Variants in GNAT2 observed in about 807,000 individuals in gnomAD.
GNAT2 encodes the protein guanine nucleotide-binding protein G(t) subunit alpha-2.
GNAT2 carries 32 observed loss-of-function variants against 40.9 expected under a neutral mutation model. That is an observed-to-expected ratio of 0.78 (90% CI 0.59 to 1.05). The LOEUF is 1.05. Among genes scored for constraint, GNAT2 ranks in the 50% least tolerant of loss-of-function variants. The pLI is 0.00. For missense variants in GNAT2, 355 were observed against 431.5 expected, an observed-to-expected ratio of 0.82 and a Z score of 1.57; for synonymous variants, 141 against 157.2, an observed-to-expected ratio of 0.90 and a Z score of 0.77.
chr1:109,618,715 A>G (rs1237497316), intron 1 of GNAT2, among the ~76,000 whole-genome samples: 2 of 151,960 alleles, frequency 1.3e-5, no homozygotes, highest in Non-Finnish European at 2.9e-5. Context: ...GATTAGGTAA[A>G]CCTGGTTATC....
intron 7 of GNAT2, 74 bp from the exon 8 acceptor site, chr1:109,604,178 C>T (rs1024162198): frequency 4.2e-6 from 5 of 1,186,586 alleles, no homozygotes; most frequent in Non-Finnish European, 6.3e-6. Context: ...GCTCTTGTTC[C>T]CCTTGGAGAG....
At chr1:109,604,323 CT>C in intron 7 of GNAT2, 1 of 567,868 alleles carries the variant, frequency 1.8e-6, no homozygotes, top group South Asian at 2.0e-5. Context: ...AATTATTGAG[CT>C]TTTTCTGAGT....
chr1:109,610,726 T>G, intron 2 of GNAT2: 1 of 615,230 alleles, frequency 1.6e-6, no homozygotes, highest in Non-Finnish European at 2.9e-6. Context: ...TAGTTTGGGC[T>G]GTCTCATGCA....
intron 4 of GNAT2, chr1:109,609,816 T>C: frequency 5.4e-6 from 3 of 553,778 alleles, no homozygotes; most frequent in African/African-American, 1.9e-5. Context: ...AAAATGAGGC[T>C]AATTAGAAAG....
chr1:109,604,481 A>C (rs1343704420), intron 7 of GNAT2: 1 of 270,868 alleles, frequency 3.7e-6, no homozygotes, highest in Non-Finnish European at 7.2e-6. Flanking sequence ...ACATTTTATA[A>C]GTAGTGCTGA....
chr1:109,611,201 A>G (rs1272798636), intron 2 of GNAT2: 4 of 149,488 alleles, frequency 2.7e-5, no homozygotes, highest in Admixed American at 2.0e-4. Flanking sequence ...TTTTTGAGAC[A>G]GTCTTGCTCT....
chr1:109,606,126 A>AG, intron 6 of GNAT2, 27 bp from the exon 7 acceptor site: 1 of 1,613,570 alleles, frequency 6.2e-7, no homozygotes, highest in Non-Finnish European at 8.5e-7. Flanking sequence ...CTATTTTCAT[A>AG]GGTATGCCCA....
At chr1:109,612,670 TG>T in intron 2 of GNAT2, 82 bp downstream of exon 2, 1 of 846,392 alleles carries the variant, frequency 1.2e-6, no homozygotes, top group Non-Finnish European at 2.1e-6. Flanking sequence ...TTCCTTCCCA[TG>T]GGGTGAGGTA....
chr1:109,603,898 T>C (rs1367194308), intron 8 of GNAT2, 53 bp downstream of exon 8: 2 of 1,311,912 alleles, frequency 1.5e-6, no homozygotes, highest in East Asian at 2.3e-5. Context: ...AATGAGACAA[T>C]TGCCAGTCTC....
intron 1 of GNAT2, among the ~76,000 whole-genome samples, 178 bp downstream of exon 1, chr1:109,619,305 C>T (rs141855721): frequency 1.3e-5 from 2 of 152,360 alleles, no homozygotes; most frequent in East Asian, 3.9e-4. Flanking sequence ...GGTACTCTTA[C>T]ACTCATTTTA....
Position 109,603,575 on chromosome 1 carries a change from G to C in GNAT2, c.875-31C>G, listed in dbSNP as rs2301360. ...TTTCCAGAAAAATAGTGAAAAAGTA[G>C]AATAAATGAACCCTTGTTAGTTGCT... On this transcript the variant is annotated intron_variant, in intron 8 of 8. Coordinates refer to ENST00000679935, the MANE Select transcript of GNAT2 (RefSeq NM_001377295.2). 66 of 1,391,400 alleles carry C rather than the reference G, an allele frequency of 4.7e-5. No individual in the cohort carries two copies. In the East Asian group the frequency reaches 1.5e-3, roughly 31 times the overall value. 86.2% of individuals were successfully genotyped at this position (1,391,400 alleles called of 1,614,324 possible). A position where few individuals can be genotyped will look rare whatever the true frequency, so the allele number is the denominator to read the frequency against.
chr1:109,608,274 C>G (rs984851454), intron 5 of GNAT2: 2 of 363,186 alleles, frequency 5.5e-6, no homozygotes, highest in African/African-American at 4.2e-5. Flanking sequence ...GACAGAACTG[C>G]AGGGCTATCT....
chr1:109,610,270 G>A (rs895647580), intron 3 of GNAT2, 89 bp from the exon 4 acceptor site: 1 of 1,415,850 alleles, frequency 7.1e-7, no homozygotes, highest in Non-Finnish European at 1.0e-6. Context: ...AGGATCATAA[G>A]AATCCTATCT....
intron 5 of GNAT2, chr1:109,608,321 A>T: frequency 2.3e-6 from 1 of 425,684 alleles, no homozygotes; most frequent in South Asian, 2.1e-5. Context: ...GTACACCTCA[A>T]TTAAGAGAAC....
At position 109,610,474 on chromosome 1, in the gene GNAT2, T is replaced by C. The variant is rs1265008353; in HGVS notation, c.152A>G (p.Lys51Arg). The C allele has an allele frequency of 6.2e-7, 1 of 1,613,960 alleles. No homozygotes were observed. The highest frequency in any genetic ancestry group is 1.7e-5 in the Admixed American group (1 of 60,032). Reference sequence around the variant, plus strand: ...CTTTGTTTCTACTCACTTCATCTGTTTGACGATGGTGCTCTTTCCTGACTC... The same window carrying C: ...CTTTGTTTCTACTCACTTCATCTGTCTGACGATGGTGCTCTTTCCTGACTC... ...AGESGKSTIV[K>R]QMKIIHQDGY... The change falls in exon 3 of 9, where the codon AAA becomes AGA. Residue 51 changes from lysine (K) to arginine (R), a missense_variant. Transcript: ENST00000679935.
chr1:109,608,821 A>G lies in GNAT2; in HGVS notation c.304-33T>C, dbSNP rs757220090. On this transcript the variant is annotated intron_variant, in intron 4 of 8. Coordinates refer to ENST00000679935, the MANE Select transcript of GNAT2 (RefSeq NM_001377295.2). ...GCAGAAACCTGGTTAAGAACTTCAC[A>G]GGAGTAATAGCTTTCCAGGAGGCTT... 6.9e-6 allele frequency: 11 copies of G among 1,583,906 alleles called. No homozygotes were observed. The South Asian group carries it at 1.1e-4, about 16-fold the overall frequency.
At chr1:109,608,438 C>T in intron 5 of GNAT2, 193 bp downstream of exon 5, 1 of 647,462 alleles carries the variant, frequency 1.5e-6, no homozygotes, top group Admixed American at 2.2e-5. Flanking sequence ...ACAACTGTGG[C>T]AGATCTCCCC....
chr1:109,603,569 A>G (rs779501027), intron 8 of GNAT2, 25 bp from the exon 9 acceptor site: 9 of 1,450,712 alleles, frequency 6.2e-6, no homozygotes, highest in Admixed American at 1.7e-5. Flanking sequence ...AAATAGTGAA[A>G]AAGTAGAATA....
intron 7 of GNAT2, chr1:109,604,450 C>T (rs1271077899): frequency 3.4e-6 from 1 of 291,956 alleles, no homozygotes; most frequent in South Asian, 3.7e-5. Context: ...CTTTAGCAGC[C>T]AGGATGCAAC....
Sources: gnomAD v4.1 joint callset for allele counts (sites outside exome capture counted in the v4.1 genomes callset) on GRCh38, gnomAD v4.1.1 for gene constraint, MANE v1.5 for transcripts, NCBI Gene and HGNC (gene_info 2026-07-23, HGNC 2026-07-21) for gene names.